PRMT8: variants seen among roughly 807,000 people sequenced by gnomAD.
The protein encoded by PRMT8 is protein arginine N-methyltransferase 8.
Under a neutral mutation model 47.1 loss-of-function variants are expected in PRMT8, and 7 were observed. The ratio of observed to expected loss-of-function variants is 0.15; its 90% CI spans 0.08 to 0.28. The LOEUF (loss-of-function observed/expected upper bound fraction) is 0.28, where lower values mean the gene tolerates loss of function less well. PRMT8 is among the 10% of genes least tolerant of loss of function. PRMT8 has a pLI of 1.00. For synonymous variants in PRMT8, 188 were observed against 186.5 expected, an observed-to-expected ratio of 1.01 and a Z score of -0.07; for missense variants, 237 against 505.4, an observed-to-expected ratio of 0.47 and a Z score of 5.09.
intron 1 of PRMT8, among the ~76,000 whole-genome samples, chr12:3,429,078 C>G (rs1235426677): frequency 1.3e-5 from 2 of 152,158 alleles, no homozygotes; most frequent in African/African-American, 4.8e-5. Flanking sequence ...CTTCCTCTGT[C>G]TCTGCTGGTC....
intron 1 of PRMT8, among the ~76,000 whole-genome samples, chr12:3,479,720 C>T (rs183235559): frequency 1.3e-5 from 2 of 152,330 alleles, no homozygotes; most frequent in Admixed American, 1.3e-4. Flanking sequence ...AGAATTTTCC[C>T]CACCCCATAA....
intron 8 of PRMT8, among the ~76,000 whole-genome samples, chr12:3,587,602 C>A (rs1224997202): frequency 6.6e-6 from 1 of 152,156 alleles, no homozygotes; most frequent in African/African-American, 2.4e-5. Flanking sequence ...CGTATCGCCT[C>A]CAGATGAACA....
At position 3,564,605 on chromosome 12, in the gene PRMT8, GC is replaced by G. The variant is rs1866688469; in HGVS notation, c.482-4099del. ...TGATTAATCATTCTGTAATTTACCA[GC>G]CAGAGTCCTGTCATAGTTCGTTGAA... is the stretch of plus-strand genomic sequence containing the variant. On this transcript the variant is annotated intron_variant, in intron 4 of 9. Transcript: ENST00000382622. The surrounding 1 kb of genome is among the most constrained non-coding windows in gnomAD (Gnocchi z 4.0). 6.6e-6 allele frequency among the ~76,000 whole-genome samples: 1 copy of G among 152,206 alleles called. No homozygotes were observed. Among genetic ancestry groups the G allele is most frequent in the South Asian group, 2.1e-4 (1 of 4,836 alleles).
intron 1 of PRMT8, among the ~76,000 whole-genome samples, chr12:3,461,603 T>C (rs1865042011): frequency 6.6e-6 from 1 of 152,194 alleles, no homozygotes; most frequent in South Asian, 2.1e-4. Flanking sequence ...GATGGAACTG[T>C]GTCCTCAGCA....
intron 8 of PRMT8, among the ~76,000 whole-genome samples, chr12:3,584,516 G>C: frequency 6.6e-6 from 1 of 152,100 alleles, no homozygotes; most frequent in East Asian, 1.9e-4. Context: ...CTAACATCTC[G>C]TGCATGTGCC....
chr12:3,546,572 T>C (rs932331098), intron 2 of PRMT8, among the ~76,000 whole-genome samples: 1 of 152,322 alleles, frequency 6.6e-6, no homozygotes, highest in Middle Eastern at 3.4e-3. Context: ...AAATTTGACA[T>C]TTTACATAAA....
At chr12:3,590,227 A>G (rs1322413628) in intron 8 of PRMT8, among the ~76,000 whole-genome samples, 1 of 152,336 alleles carries the variant, frequency 6.6e-6, no homozygotes, top group East Asian at 1.9e-4. Context: ...TCCCAAATGC[A>G]CACACGGAGG....
intron 1 of PRMT8, among the ~76,000 whole-genome samples, chr12:3,520,965 A>G (rs769281938): frequency 6.6e-6 from 1 of 152,238 alleles, no homozygotes; most frequent in Non-Finnish European, 1.5e-5. Flanking sequence ...GTAAACTGCC[A>G]TCAGAAAGGA....
rs559789135 is a variant in PRMT8 at position 3,400,960 on chromosome 12, A to C, written c.48+19518A>C. On this transcript the variant is annotated intron_variant, in intron 1 of 9. Transcript: ENST00000452611. ...TCAGGAGTTTGAGACCAGCCTCAACATGGAGAAACCCTGTCTCTACTAAAA... is the reference window on the plus strand; with the variant it reads ...TCAGGAGTTTGAGACCAGCCTCAACCTGGAGAAACCCTGTCTCTACTAAAA... Among the ~76,000 whole-genome samples, 11 of 152,180 alleles carry C rather than the reference A, an allele frequency of 7.2e-5. No homozygotes were observed. In the East Asian group the frequency reaches 1.9e-3, roughly 27 times the overall value.
In PRMT8 at chr12:3,456,195, G is replaced by C. The variant is rs1318287044; in HGVS notation, c.48+74753G>C. Among the ~76,000 whole-genome samples the C allele has an allele frequency of 3.3e-5, 5 of 152,176 alleles. No homozygotes were observed. Among genetic ancestry groups the C allele is most frequent in the Admixed American group, 6.5e-5 (1 of 15,284 alleles). On this transcript the variant is annotated intron_variant, in intron 1 of 9. Transcript: ENST00000452611. The surrounding 1 kb of genome is among the most constrained non-coding windows in gnomAD (Gnocchi z 4.2). Reference sequence around the variant, plus strand: ...GATGACCACATCCAAGTACGCCAGCGCTGGCACACCAAGCGCCACCTTTGA... The same window carrying C: ...GATGACCACATCCAAGTACGCCAGCCCTGGCACACCAAGCGCCACCTTTGA...
chr12:3,575,887 C>A (rs970154033), intron 6 of PRMT8, among the ~76,000 whole-genome samples: 4 of 152,104 alleles, frequency 2.6e-5, no homozygotes, highest in African/African-American at 9.7e-5. Flanking sequence ...GGCATGGTGG[C>A]GGGTGCCTGT....
chr12:3,459,353 G>A lies in PRMT8; in HGVS notation c.48+77911G>A, dbSNP rs146859561. ...AGCTTTTTTTCTGCCTATTAGCCAC[G>A]ATTTGAAGCCAACATTGAAAAAGTT... On this transcript the variant is annotated intron_variant, in intron 1 of 9. Transcript: ENST00000452611. 3.7e-3 allele frequency among the ~76,000 whole-genome samples: 558 copies of A among 152,118 alleles called. 8 individuals are homozygous for A. Among genetic ancestry groups the A allele is most frequent in the African/African-American group, 0.013 (520 of 41,482 alleles).
intron 1 of PRMT8, among the ~76,000 whole-genome samples, chr12:3,504,900 C>T (rs1205261216): frequency 2.4e-5 from 1 of 41,182 alleles, no homozygotes; most frequent in Non-Finnish European, 4.9e-5. Flanking sequence ...GATATAGTCT[C>T]GTGGTGCGCC....
At chr12:3,581,339 G>A (rs559759536) in intron 7 of PRMT8, among the ~76,000 whole-genome samples, 12 of 152,292 alleles carry the variant, frequency 7.9e-5, no homozygotes, top group African/African-American at 1.4e-4. Context: ...CTTCTTCTGT[G>A]GGTGGAAGTT....
At chr12:3,438,861 G>A (rs1404313560) in intron 1 of PRMT8, among the ~76,000 whole-genome samples, 6 of 152,114 alleles carry the variant, frequency 3.9e-5, no homozygotes, top group Non-Finnish European at 7.4e-5. Context: ...TACTTTCTTG[G>A]CATTAAATGT....
At position 3,564,554 on chromosome 12, in the gene PRMT8, A is replaced by G. The variant is rs926049631; in HGVS notation, c.482-4152A>G. Among the ~76,000 whole-genome samples the G allele has an allele frequency of 1.3e-5, 2 of 152,222 alleles. No individual in the cohort carries two copies. Among genetic ancestry groups the G allele is most frequent in the African/African-American group, 4.8e-5 (2 of 41,456 alleles). On this transcript the variant is annotated intron_variant, in intron 4 of 9. Coordinates refer to ENST00000382622, the MANE Select transcript of PRMT8 (RefSeq NM_019854.5). The surrounding 1 kb of genome is among the most constrained non-coding windows in gnomAD (Gnocchi z 4.0). ...GAGAAGTTTTCCCAATTTAGAGTCT[A>G]TTGCTCCCTGCTGTGCATTTAGTTC...
rs554484456 is a variant in PRMT8 at position 3,581,711 on chromosome 12, A to G, written c.829-1347A>G. ...CCTCCCACATTCCCCTAAACCTACA[A>G]TCTCACCTTCTTCCCAATCAACAGT... On this transcript the variant is annotated intron_variant, in intron 7 of 9. Transcript: ENST00000382622. Among the ~76,000 whole-genome samples the G allele has an allele frequency of 4.6e-5, 7 of 152,132 alleles. No individual in the cohort carries two copies. In the East Asian group the frequency reaches 1.4e-3, roughly 29 times the overall value.
At chr12:3,558,157 T>G (rs970396611) in intron 4 of PRMT8, among the ~76,000 whole-genome samples, 1 of 152,050 alleles carries the variant, frequency 6.6e-6, no homozygotes, top group African/African-American at 2.4e-5. Context: ...GAGGCATCTC[T>G]GTCCTGCTTG....
At chr12:3,388,643 G>C (rs1221829581) in intron 1 of PRMT8, among the ~76,000 whole-genome samples, 2 of 142,636 alleles carry the variant, frequency 1.4e-5, no homozygotes, top group African/African-American at 2.6e-5. Context: ...AACTGAGTTA[G>C]AGAGATGAAG....
Sources: gnomAD v4.1 joint callset for allele counts (sites outside exome capture counted in the v4.1 genomes callset) on GRCh38, gnomAD v4.1.1 for gene constraint, Gnocchi (gnomAD v3.1) non-coding constraint, MANE v1.5 for transcripts, NCBI Gene and HGNC (gene_info 2026-07-23, HGNC 2026-07-21) for gene names.